Variants in TMEM132C observed in about 807,000 individuals in gnomAD.
TMEM132C encodes the protein protein phosphatase 1, regulatory subunit 152.
A neutral mutation model predicts 61.4 loss-of-function variants in TMEM132C; 29 were observed. The ratio of observed to expected loss-of-function variants is 0.47; its 90% CI spans 0.35 to 0.64. The LOEUF (loss-of-function observed/expected upper bound fraction) is 0.64, where lower values mean the gene tolerates loss of function less well. Among genes scored for constraint, TMEM132C ranks in the 30% least tolerant of loss-of-function variants. The probability of loss-of-function intolerance (pLI) is 0.00; values close to 1 mark genes in which losing one functional copy is unlikely to be tolerated. For missense variants in TMEM132C, 1,408 were observed against 1,476.9 expected, an observed-to-expected ratio of 0.95 and a Z score of 0.76; for synonymous variants, 656 against 633.1, an observed-to-expected ratio of 1.04 and a Z score of -0.54.
intron 8 of TMEM132C, among the ~76,000 whole-genome samples, chr12:128,703,461 T>A (rs1029557523): frequency 6.6e-6 from 1 of 152,238 alleles, no homozygotes; most frequent in Non-Finnish European, 1.5e-5. Context: ...ATCTGGTCCC[T>A]GCAAAGGATG....
At chr12:128,347,587 C>G (rs1181668693) in intron 1 of TMEM132C, among the ~76,000 whole-genome samples, 1 of 152,178 alleles carries the variant, frequency 6.6e-6, no homozygotes. Flanking sequence ...CACCACCAAA[C>G]ATGGCTAATT....
rs918033451 is a variant in TMEM132C at position 128,539,460 on chromosome 12, CA to C, written c.975-4489del. ...TGAAACCCTGCCTCTACTAAAAATA[CA>C]AAAAAAATTAGCTGGGCGTGGCGGT... On this transcript the variant is annotated intron_variant, in intron 2 of 8. Coordinates refer to ENST00000435159, the MANE Select transcript of TMEM132C (RefSeq NM_001136103.3). Among the ~76,000 whole-genome samples, 3 of 151,932 alleles carry C rather than the reference CA, an allele frequency of 2.0e-5. No homozygotes were observed. In the East Asian group the frequency reaches 5.8e-4, roughly 29 times the overall value.
At position 128,425,857 on chromosome 12, in the gene TMEM132C, C is replaced by CATCCAGAAGG. The variant is rs543698877; in HGVS notation, c.974+10248_974+10257dup. ...TGTCTTTGAATTTGAGACCCACCCT[C>CATCCAGAAGG]ATCCAGAAGGATCCAGAAGGCTCTC... is the stretch of plus-strand genomic sequence containing the variant. On this transcript the variant is annotated intron_variant, in intron 2 of 8. Transcript: ENST00000435159. Among the ~76,000 whole-genome samples, 144 of 152,336 alleles carry CATCCAGAAGG rather than the reference C, an allele frequency of 9.5e-4. No homozygotes were observed. The Middle Eastern group carries it at 0.014, about 14-fold the overall frequency.
intron 5 of TMEM132C, among the ~76,000 whole-genome samples, chr12:128,687,464 A>G (rs1954686646): frequency 6.6e-6 from 1 of 152,182 alleles, no homozygotes; most frequent in African/African-American, 2.4e-5. Context: ...GGGGGACAAA[A>G]TTGCCCAGAC....
chr12:128,580,289 C>T (rs1002468998), intron 3 of TMEM132C, among the ~76,000 whole-genome samples: 3 of 151,970 alleles, frequency 2.0e-5, no homozygotes, highest in Admixed American at 1.3e-4. Context: ...GACGTGGTGG[C>T]GGGCGCCTGT....
intron 4 of TMEM132C, among the ~76,000 whole-genome samples, chr12:128,639,517 A>G (rs1477415010): frequency 3.3e-5 from 5 of 152,210 alleles, no homozygotes; most frequent in Non-Finnish European, 4.4e-5. Context: ...GATCTGATAA[A>G]TGAGAAAATT....
rs116208001 is a variant in TMEM132C at position 128,411,186 on chromosome 12, C to T, written c.86-3546C>T. On this transcript the variant is annotated intron_variant, in intron 1 of 8. Transcript: ENST00000435159. ...AGCACTGCCTGGCAGATTTCTCCAC[C>T]GAAACCTACCTGTGTGTCCTTTGTA... Among the ~76,000 whole-genome samples the T allele has an allele frequency of 5.6e-3, 858 of 152,232 alleles. 13 individuals carry two copies. The highest frequency in any genetic ancestry group is 0.039 in the Admixed American group (596 of 15,304).
intron 3 of TMEM132C, among the ~76,000 whole-genome samples, chr12:128,544,307 C>T (rs945620200): frequency 4.6e-5 from 7 of 152,238 alleles, no homozygotes; most frequent in Admixed American, 3.3e-4. Flanking sequence ...CGCTCTGCAG[C>T]GCTGCGGGGT....
At chr12:128,438,391 C>G (rs1666680273) in intron 2 of TMEM132C, among the ~76,000 whole-genome samples, 1 of 152,170 alleles carries the variant, frequency 6.6e-6, no homozygotes, top group Non-Finnish European at 1.5e-5. Context: ...CATGCTTCCT[C>G]TCTTGCCATG....
intron 5 of TMEM132C, among the ~76,000 whole-genome samples, chr12:128,674,187 T>C (rs1205214407): frequency 2.0e-5 from 3 of 152,244 alleles, no homozygotes; most frequent in Non-Finnish European, 4.4e-5. Context: ...GCTGTGGGCA[T>C]TTCCCATGAA....
chr12:128,321,819 A>G (rs886125675), intron 1 of TMEM132C, among the ~76,000 whole-genome samples: 2 of 152,222 alleles, frequency 1.3e-5, no homozygotes, highest in Non-Finnish European at 2.9e-5. Flanking sequence ...TCATCTCAAT[A>G]AAAACTTTCA....
At chr12:128,373,425 A>T (rs1338860422) in intron 1 of TMEM132C, among the ~76,000 whole-genome samples, 1 of 152,264 alleles carries the variant, frequency 6.6e-6, no homozygotes, top group African/African-American at 2.4e-5. Context: ...TTCCTGGCTG[A>T]CAGGCCAATT....
chr12:128,629,636 C>T (rs1380296388), intron 4 of TMEM132C, among the ~76,000 whole-genome samples: 1 of 152,086 alleles, frequency 6.6e-6, no homozygotes, highest in Non-Finnish European at 1.5e-5. Flanking sequence ...CCAACAGTCC[C>T]CAGAGATCTG....
At chr12:128,590,898 T>A (rs1276433284) in intron 3 of TMEM132C, among the ~76,000 whole-genome samples, 1 of 152,114 alleles carries the variant, frequency 6.6e-6, no homozygotes, top group Non-Finnish European at 1.5e-5. Context: ...CATCTCAGCC[T>A]CCTGAGGAAC....
At chr12:128,321,737 T>C (rs2135935679) in intron 1 of TMEM132C, among the ~76,000 whole-genome samples, 1 of 152,356 alleles carries the variant, frequency 6.6e-6, no homozygotes, top group African/African-American at 2.4e-5. Context: ...GATGTCATTA[T>C]TGGGAGAAAC....
At chr12:128,354,022 A>G (rs887546212) in intron 1 of TMEM132C, among the ~76,000 whole-genome samples, 6 of 152,190 alleles carry the variant, frequency 3.9e-5, no homozygotes, top group African/African-American at 1.4e-4. Context: ...ATAAATGTAA[A>G]GGGTCGATGA....
intron 2 of TMEM132C, among the ~76,000 whole-genome samples, chr12:128,423,214 T>A (rs1002175000): frequency 6.6e-6 from 1 of 152,080 alleles, no homozygotes; most frequent in Non-Finnish European, 1.5e-5. Flanking sequence ...ACTCAGAAAA[T>A]AAGAGAGCAA....
At chr12:128,353,279 C>T (rs1322978532) in intron 1 of TMEM132C, among the ~76,000 whole-genome samples, 3 of 152,184 alleles carry the variant, frequency 2.0e-5, no homozygotes, top group African/African-American at 7.2e-5. Context: ...TGAGCAAACA[C>T]CTGCTTCTCC....
intron 1 of TMEM132C, among the ~76,000 whole-genome samples, chr12:128,381,604 C>T (rs2135991339): frequency 6.6e-6 from 1 of 152,226 alleles, no homozygotes; most frequent in South Asian, 2.1e-4. Context: ...TAGGGAGTGG[C>T]TCCTAGGGTC....
Sources: allele counts gnomAD v4.1 joint callset (sites outside exome capture counted in the v4.1 genomes callset), GRCh38; gene constraint gnomAD v4.1.1; transcripts MANE v1.5; gene names NCBI Gene and HGNC (gene_info 2026-07-23, HGNC 2026-07-21).